Variants in RNF157 observed in about 807,000 individuals in gnomAD.
The protein encoded by RNF157 is ring finger protein 157.
Under a neutral mutation model 88.3 loss-of-function variants are expected in RNF157, and 55 were observed. The observed-to-expected ratio is 0.62, with a 90% CI of 0.50 to 0.78. The LOEUF is 0.78. Ranked by LOEUF, RNF157 falls within the 30% of genes least tolerant of loss-of-function variation. RNF157 has a pLI of 0.00. For synonymous variants in RNF157, 334 were observed against 341.2 expected (o/e 0.98, Z 0.23); for missense variants, 788 against 860.8 (o/e 0.92, Z 1.06).
In RNF157 at chr17:76,178,195, G is replaced by A. The variant is rs144649227; in HGVS notation, c.208-4405C>T. Among the ~76,000 whole-genome samples the A allele has an allele frequency of 5.9e-3, 901 of 152,326 alleles. 39 individuals carry two copies. The highest frequency in any genetic ancestry group is 0.053 in the Admixed American group (809 of 15,306). On this transcript the variant is annotated intron_variant, in intron 2 of 18. Coordinates refer to ENST00000269391, the MANE Select transcript of RNF157 (RefSeq NM_052916.3). ...GAGGAGAGAAGAGCTGTGGCCCGTC[G>A]GGGAGCCCAGACCTGGGAGCTGCCC...
At chr17:76,221,509 G>A (rs73996189) in intron 1 of RNF157, among the ~76,000 whole-genome samples, 5,871 of 152,224 alleles carry the variant, frequency 0.039, 206 homozygotes, top group African/African-American at 0.089. Context: ...ATATTGTAAG[G>A]GGGGAAAGTA....
chr17:76,166,751 T>C (rs1446100743), intron 5 of RNF157, among the ~76,000 whole-genome samples: 2 of 152,190 alleles, frequency 1.3e-5, no homozygotes, highest in East Asian at 3.8e-4. Context: ...ATTTTTTTTT[T>C]CTTTGAGCAT....
intron 2 of RNF157, among the ~76,000 whole-genome samples, chr17:76,180,432 G>A (rs2069171466): frequency 6.6e-6 from 1 of 152,134 alleles, no homozygotes; most frequent in Non-Finnish European, 1.5e-5. Flanking sequence ...CTTTCATGGG[G>A]TAAAACTTGG....
intron 3 of RNF157, among the ~76,000 whole-genome samples, chr17:76,168,869 T>TA (rs993545477): frequency 6.6e-6 from 1 of 152,248 alleles, no homozygotes; most frequent in Non-Finnish European, 1.5e-5. Context: ...AGATTATAAA[T>TA]AATTTCTAAA....
chr17:76,174,071 A>G (rs903267486), intron 2 of RNF157, among the ~76,000 whole-genome samples: 1 of 151,970 alleles, frequency 6.6e-6, no homozygotes, highest in Non-Finnish European at 1.5e-5. Flanking sequence ...CTGGAGAATT[A>G]ATAATAAAAA....
intron 2 of RNF157, among the ~76,000 whole-genome samples, chr17:76,208,058 G>A (rs1024890548): frequency 3.3e-5 from 5 of 152,004 alleles, no homozygotes; most frequent in African/African-American, 1.2e-4. Context: ...TGGGACTAGA[G>A]GCATGCACCA....
chr17:76,166,420 G>C, intron 6 of RNF157, 41 bp downstream of exon 6: 2 of 1,533,832 alleles, frequency 1.3e-6, no homozygotes, highest in Non-Finnish European at 1.8e-6. Flanking sequence ...TGCCACAAAA[G>C]AGCAGTGTGC....
chr17:76,155,444 C>T, intron 15 of RNF157, 118 bp downstream of exon 15: 1 of 1,453,462 alleles, frequency 6.9e-7, no homozygotes, highest in Non-Finnish European at 9.6e-7. Context: ...TTGTTTTCTG[C>T]AGCACTCCTG....
chr17:76,175,451 C>T (rs2069088384), intron 2 of RNF157, among the ~76,000 whole-genome samples: 1 of 152,086 alleles, frequency 6.6e-6, no homozygotes, highest in South Asian at 2.1e-4. Flanking sequence ...TCCAACTTTG[C>T]CCTCCTGCAA....
chr17:76,207,163 C>T (rs889318425), intron 2 of RNF157, among the ~76,000 whole-genome samples: 1 of 152,146 alleles, frequency 6.6e-6, no homozygotes, highest in Non-Finnish European at 1.5e-5. Context: ...CACCTGCAAT[C>T]CCAACACTTT....
chr17:76,165,044 T>C (rs983133708), intron 7 of RNF157, among the ~76,000 whole-genome samples: 1 of 152,226 alleles, frequency 6.6e-6, no homozygotes, highest in African/African-American at 2.4e-5. Flanking sequence ...CTTAGTCTCT[T>C]ACTGTGCCTA....
chr17:76,235,216 G>A (rs1035280332), intron 1 of RNF157, among the ~76,000 whole-genome samples: 6 of 71,002 alleles, frequency 8.5e-5, no homozygotes. Flanking sequence ...TTTTTTTTTT[G>A]AGACGGAGTC....
At chr17:76,149,275 C>T (rs1232320477) in intron 18 of RNF157, among the ~76,000 whole-genome samples, 2 of 152,004 alleles carry the variant, frequency 1.3e-5, no homozygotes, top group African/African-American at 4.8e-5. Context: ...CCTGGCAGAG[C>T]CCGTGAGCAA....
chr17:76,208,422 G>A (rs1182371818), intron 2 of RNF157, among the ~76,000 whole-genome samples: 1 of 152,146 alleles, frequency 6.6e-6, no homozygotes, highest in African/African-American at 2.4e-5. Context: ...AACTCTCTGT[G>A]CCACATGTTC....
intron 2 of RNF157, chr17:76,202,582 G>T (rs781334300): frequency 6.5e-6 from 1 of 154,240 alleles, no homozygotes; most frequent in Non-Finnish European, 1.5e-5. Flanking sequence ...CACACCTCAT[G>T]TGTGGACCAC....
rs751651814 is a variant in RNF157, at chr17:76,156,333, G to A, written c.1414-12C>T. On this transcript the variant is annotated splice_polypyrimidine_tract_variant and intron_variant, in intron 13 of 18. Transcript: ENST00000269391. ...GTCACACCACATTCCTGGGGGTTGT[G>A]GGGGGACACAACAGGACATGGAGCA... 6.2e-7 allele frequency: 1 copy of A among 1,613,706 alleles called. No individual in the cohort carries two copies. The highest frequency in any genetic ancestry group is 1.1e-5 in the South Asian group (1 of 91,064).
chr17:76,179,904 C>G (rs1405372980), intron 2 of RNF157, among the ~76,000 whole-genome samples: 1 of 152,192 alleles, frequency 6.6e-6, no homozygotes, highest in African/African-American at 2.4e-5. Context: ...TTCATATCCA[C>G]AGAGTTTCTG....
chr17:76,221,678 T>C (rs2069985551), intron 1 of RNF157, among the ~76,000 whole-genome samples: 2 of 152,128 alleles, frequency 1.3e-5, no homozygotes, highest in African/African-American at 4.8e-5. Flanking sequence ...AGAAATAAAA[T>C]ACAAGGAAAT....
At chr17:76,208,362 C>G (rs916619165) in intron 2 of RNF157, among the ~76,000 whole-genome samples, 1 of 152,198 alleles carries the variant, frequency 6.6e-6, no homozygotes, top group African/African-American at 2.4e-5. Context: ...GGCTCTGGAG[C>G]CAGACTGTTA....
Sources: allele counts gnomAD v4.1 joint callset (sites outside exome capture counted in the v4.1 genomes callset), GRCh38; gene constraint gnomAD v4.1.1; transcripts MANE v1.5; gene names NCBI Gene and HGNC (gene_info 2026-07-23, HGNC 2026-07-21).